The following CLCA1 variants were observed in gnomAD, a reference collection of about 807,000 sequenced individuals.
The protein encoded by CLCA1 is chloride channel accessory 1.
A neutral mutation model predicts 85.6 loss-of-function variants in CLCA1; 59 were observed. The observed-to-expected ratio is 0.69, with a 90% CI of 0.56 to 0.86. The LOEUF is 0.86. CLCA1 is among the 40% of genes least tolerant of loss of function. The pLI is 0.00. For missense variants in CLCA1, 1,022 were observed against 1,101.4 expected (o/e 0.93, Z 1.02); for synonymous variants, 396 against 398.3 (o/e 0.99, Z 0.07).
Position 86,497,179 on chromosome 1 carries a change from T to C in CLCA1, c.2114-1393T>C, listed in dbSNP as rs527560449. Reference sequence around the variant, plus strand: ...GATGGGGAAACAGAAGCTAGAGAGCTTATGGGTTCATATAACTAATAGTGT... The same window carrying C: ...GATGGGGAAACAGAAGCTAGAGAGCCTATGGGTTCATATAACTAATAGTGT... On this transcript the variant is annotated intron_variant, in intron 12 of 13. Coordinates refer to ENST00000394711, the MANE Select transcript of CLCA1 (RefSeq NM_001285.4). Among the ~76,000 whole-genome samples, 13 of 152,356 alleles carry C rather than the reference T, an allele frequency of 8.5e-5. No individual in the cohort carries two copies. The South Asian group carries it at 2.7e-3, about 32-fold the overall frequency.
At chr1:86,480,495 TGCCTGTGGTCCCA>T (rs961410129) in intron 4 of CLCA1, among the ~76,000 whole-genome samples, 1 of 152,050 alleles carries the variant, frequency 6.6e-6, no homozygotes, top group African/African-American at 2.4e-5. Flanking sequence ...TGGTGGCACA[TGCCTGTGGTCCCA>T]GCTACTTGAG....
intron 6 of CLCA1, among the ~76,000 whole-genome samples, 170 bp from the exon 7 acceptor site, chr1:86,486,356 A>G (rs1187299273): frequency 6.6e-6 from 1 of 152,184 alleles, no homozygotes; most frequent in African/African-American, 2.4e-5. Flanking sequence ...TTCTACCCAA[A>G]GGTGCTGCTA....
chr1:86,480,375 AG>A (rs1316904095), intron 4 of CLCA1, among the ~76,000 whole-genome samples: 2 of 152,162 alleles, frequency 1.3e-5, no homozygotes, highest in Admixed American at 6.5e-5. Context: ...ACAAAGGAGA[AG>A]AATAGATAAT....
chr1:86,494,510 C>G, intron 11 of CLCA1, 62 bp downstream of exon 11: 1 of 1,578,210 alleles, frequency 6.3e-7, no homozygotes, highest in Non-Finnish European at 8.6e-7. Context: ...CAGGGAATGC[C>G]AAGAGGGCAT....
At chr1:86,488,216 C>T (rs1290547082) in intron 7 of CLCA1, among the ~76,000 whole-genome samples, 1 of 152,032 alleles carries the variant, frequency 6.6e-6, no homozygotes, top group Non-Finnish European at 1.5e-5. Context: ...TTCTTGTTTC[C>T]CCTAATTCTG....
chr1:86,476,118 C>T (rs538204250), intron 3 of CLCA1, among the ~76,000 whole-genome samples: 86 of 152,302 alleles, frequency 5.6e-4, no homozygotes, highest in African/African-American at 1.9e-3. Flanking sequence ...CTTTGCTGAC[C>T]TCTGTCATCA....
chr1:86,485,840 T>C (rs1647950828), intron 6 of CLCA1, among the ~76,000 whole-genome samples: 2 of 152,194 alleles, frequency 1.3e-5, no homozygotes, highest in Admixed American at 1.3e-4. Context: ...TATAAGTCTA[T>C]AGGTCCATAG....
At chr1:86,474,089 T>A (rs1006143220) in intron 3 of CLCA1, among the ~76,000 whole-genome samples, 1 of 152,224 alleles carries the variant, frequency 6.6e-6, no homozygotes, top group African/African-American at 2.4e-5. Flanking sequence ...GATACATGTA[T>A]AAATACGGTA....
At chr1:86,489,289 A>G in intron 8 of CLCA1, 119 bp downstream of exon 8, 4 of 899,850 alleles carry the variant, frequency 4.4e-6, no homozygotes, top group Non-Finnish European at 6.7e-6. Flanking sequence ...TAATTGGCTA[A>G]CTAGCCACCC....
intron 4 of CLCA1, among the ~76,000 whole-genome samples, chr1:86,477,974 A>AT (rs1045233228): frequency 1.3e-5 from 2 of 152,014 alleles, no homozygotes; most frequent in African/African-American, 4.8e-5. Context: ...ACCTAGTACA[A>AT]TTTTTTCAAA....
At chr1:86,474,500 G>C (rs1015955976) in intron 3 of CLCA1, among the ~76,000 whole-genome samples, 2 of 150,550 alleles carry the variant, frequency 1.3e-5, no homozygotes, top group African/African-American at 4.9e-5. Flanking sequence ...GTTGTAGTGA[G>C]CCAAGATCGC....
intron 1 of CLCA1, among the ~76,000 whole-genome samples, chr1:86,472,380 C>T (rs1647528882): frequency 6.6e-6 from 1 of 152,204 alleles, no homozygotes; most frequent in Non-Finnish European, 1.5e-5. Flanking sequence ...TCCTCATTTC[C>T]TCTGCAGGCA....
At position 86,471,664 on chromosome 1, in the gene CLCA1, T is replaced by A. The variant is rs147738629; in HGVS notation, c.163-1753T>A. Reference sequence around the variant, plus strand: ...GGTGATCTTGGCTCATTTTTTAATTTTATTTTTTAAAGTGACATAATATTA... The same window carrying A: ...GGTGATCTTGGCTCATTTTTTAATTATATTTTTTAAAGTGACATAATATTA... On this transcript the variant is annotated intron_variant, in intron 1 of 13. Coordinates refer to ENST00000394711, the MANE Select transcript of CLCA1 (RefSeq NM_001285.4). 4.6e-5 allele frequency among the ~76,000 whole-genome samples: 7 copies of A among 152,324 alleles called. No individual in the cohort carries two copies. The East Asian group carries it at 1.3e-3, about 29-fold the overall frequency.
intron 6 of CLCA1, among the ~76,000 whole-genome samples, chr1:86,485,824 A>T (rs1373717228): frequency 6.6e-6 from 1 of 152,210 alleles, no homozygotes; most frequent in African/African-American, 2.4e-5. Flanking sequence ...TGTTTCACTG[A>T]CAATATATAA....
At chr1:86,481,914 G>T (rs1366841428) in intron 4 of CLCA1, among the ~76,000 whole-genome samples, 1 of 152,172 alleles carries the variant, frequency 6.6e-6, no homozygotes, top group Non-Finnish European at 1.5e-5. Flanking sequence ...AGATTCAAAG[G>T]TGCCTGAGGA....
chr1:86,471,923 C>A (rs900652495), intron 1 of CLCA1, among the ~76,000 whole-genome samples: 3 of 152,144 alleles, frequency 2.0e-5, no homozygotes, highest in Admixed American at 6.6e-5. Context: ...TGAAGCATTT[C>A]TGCTCCTAAC....
At chr1:86,469,776 GGAAA>G in intron 1 of CLCA1, among the ~76,000 whole-genome samples, 1 of 152,140 alleles carries the variant, frequency 6.6e-6, no homozygotes, top group East Asian at 1.9e-4. Flanking sequence ...AAACTAAGAG[GGAAA>G]TGCTTTATAA....
Position 86,483,734 on chromosome 1 carries a change from C to T in CLCA1, c.735+1352C>T, listed in dbSNP as rs5744358. On this transcript the variant is annotated intron_variant, in intron 5 of 13. Transcript: ENST00000394711. The stretch of plus-strand genomic sequence containing the variant: ...AAGGTTACTCAAAAAATAACAAAGT[C>T]ATATTGAGTTTTTGTTATGTGTCAG... 9.6e-3 allele frequency among the ~76,000 whole-genome samples: 1,468 copies of T among 152,140 alleles called. 25 individuals are homozygous for T. The highest frequency in any genetic ancestry group is 0.033 in the African/African-American group (1,382 of 41,510).
At chr1:86,472,410 C>A (rs1005085969) in intron 1 of CLCA1, among the ~76,000 whole-genome samples, 1 of 152,184 alleles carries the variant, frequency 6.6e-6, no homozygotes, top group Non-Finnish European at 1.5e-5. Context: ...CTTCTGAGGC[C>A]CCTGTATTGG....
Sources: gnomAD v4.1 joint callset for allele counts (sites outside exome capture counted in the v4.1 genomes callset) on GRCh38, gnomAD v4.1.1 for gene constraint, MANE v1.5 for transcripts, NCBI Gene and HGNC (gene_info 2026-07-23, HGNC 2026-07-21) for gene names.